UBE2W: variants seen among roughly 807,000 people sequenced by gnomAD.
UBE2W encodes the protein ubiquitin-conjugating enzyme E2 W.
A neutral mutation model predicts 27.2 loss-of-function variants in UBE2W; 18 were observed. That is an observed-to-expected ratio of 0.66 (90% CI 0.46 to 0.98). UBE2W has a LOEUF of 0.98. UBE2W is among the 50% of genes least tolerant of loss of function. The probability of loss-of-function intolerance (pLI) is 0.00; values close to 1 mark genes in which losing one functional copy is unlikely to be tolerated. For missense variants in UBE2W, 90 were observed against 180.2 expected (o/e 0.50, Z 2.87); for synonymous variants, 53 against 57.2 (o/e 0.93, Z 0.33).
chr8:73,867,802 T>C (rs187674368), intron 1 of UBE2W, among the ~76,000 whole-genome samples: 56 of 151,786 alleles, frequency 3.7e-4, no homozygotes, highest in African/African-American at 9.9e-4. Flanking sequence ...AGACACTTAA[T>C]ACATCATTAG....
intron 1 of UBE2W, among the ~76,000 whole-genome samples, chr8:73,864,311 T>C (rs557930690): frequency 6.6e-5 from 10 of 152,266 alleles, no homozygotes; most frequent in East Asian, 3.9e-4. Context: ...CGAGAATCAC[T>C]TGAACCTGGG....
At chr8:73,865,361 C>T (rs1811710683) in intron 1 of UBE2W, among the ~76,000 whole-genome samples, 1 of 150,558 alleles carries the variant, frequency 6.6e-6, no homozygotes, top group South Asian at 2.1e-4. Flanking sequence ...GTCTGTAACC[C>T]CAGCACTTTG....
intron 1 of UBE2W, among the ~76,000 whole-genome samples, chr8:73,857,955 T>C (rs971893645): frequency 6.6e-6 from 1 of 151,786 alleles, no homozygotes; most frequent in African/African-American, 2.4e-5. Flanking sequence ...CTGGGCATGG[T>C]GGCTCACGTC....
intron 1 of UBE2W, among the ~76,000 whole-genome samples, 165 bp from the exon 2 acceptor site, chr8:73,830,637 C>A (rs114634661): frequency 1.3e-5 from 2 of 151,446 alleles, no homozygotes; most frequent in African/African-American, 2.5e-5. Context: ...CAGGCACACA[C>A]CACAATGCCC....
At chr8:73,799,437 G>C (rs1808550342) in intron 5 of UBE2W, among the ~76,000 whole-genome samples, 1 of 152,132 alleles carries the variant, frequency 6.6e-6, no homozygotes, top group African/African-American at 2.4e-5. Flanking sequence ...CTTCTTCCAA[G>C]AACTTTAACA....
rs1808159069 is a variant in UBE2W, at chr8:73,790,825, T to C, written c.*3277A>G. On this transcript the variant is annotated 3_prime_UTR_variant, in exon 6 of 6. Coordinates refer to ENST00000602593, the MANE Select transcript of UBE2W (RefSeq NM_018299.6). ...CTACTCATTTCCATTATTTACCAAT[T>C]CATCTTTGATGCAACTTGGAAACAA... The C allele has an allele frequency of 1.0e-6, 1 of 984,994 alleles. No homozygotes were observed. Among genetic ancestry groups the C allele is most frequent in the African/African-American group, 1.7e-5 (1 of 57,240 alleles). 61.0% of individuals were successfully genotyped at this position (984,994 alleles called of 1,614,324 possible).
At position 73,830,359 on chromosome 8, in the gene UBE2W, C is replaced by T. The variant is rs370878639; in HGVS notation, c.107+22G>A. 2.6e-3 allele frequency: 4,003 copies of T among 1,525,776 alleles called. 16 individuals are homozygous for T. Among genetic ancestry groups the T allele is most frequent in the South Asian group, 6.6e-3 (577 of 87,088 alleles). 94.5% of individuals were successfully genotyped at this position (1,525,776 alleles called of 1,614,324 possible). A position where few individuals can be genotyped will look rare whatever the true frequency, so the allele number is the denominator to read the frequency against. ...CATTATTGGTAATAAAACAAAGAGC[C>T]CTTTTAAAATTAAATACTTACTGTG... On this transcript the variant is annotated intron_variant, in intron 2 of 5. Transcript: ENST00000602593.
intron 1 of UBE2W, among the ~76,000 whole-genome samples, chr8:73,842,809 T>A (rs1275868487): frequency 2.0e-5 from 3 of 152,142 alleles, no homozygotes; most frequent in African/African-American, 7.2e-5. Flanking sequence ...TACAAAAATG[T>A]AGAAGTGTAT....
chr8:73,840,947 G>A (rs1421663029), intron 1 of UBE2W, among the ~76,000 whole-genome samples: 1 of 152,128 alleles, frequency 6.6e-6, no homozygotes, highest in African/African-American at 2.4e-5. Context: ...GACATTTTGA[G>A]AAACTATCCT....
rs71269951 is a variant in UBE2W at position 73,849,512 on chromosome 8, C to CAAAAAAAA, written c.16-19048_16-19041dup. Among the ~76,000 whole-genome samples the CAAAAAAAA allele has an allele frequency of 6.6e-4, 15 of 22,774 alleles. 1 individual carries two copies. Among genetic ancestry groups the CAAAAAAAA allele is most frequent in the African/African-American group, 2.0e-3 (13 of 6,654 alleles). 14.9% of individuals were successfully genotyped at this position (22,774 alleles called of 152,430 possible). A position where few individuals can be genotyped will look rare whatever the true frequency, so the allele number is the denominator to read the frequency against. On this transcript the variant is annotated intron_variant, in intron 1 of 5. Coordinates refer to ENST00000602593, the MANE Select transcript of UBE2W (RefSeq NM_018299.6). ...GGGCAACAAGAGTGAAACTCCATCTCAAAAAAAAAAAAAAAAAAAAAAAAA... is the reference window on the plus strand; with the variant it reads ...GGGCAACAAGAGTGAAACTCCATCTCAAAAAAAAAAAAAAAAAAAAAAAAAAAAAAAAA...
intron 1 of UBE2W, among the ~76,000 whole-genome samples, chr8:73,857,641 T>G (rs1220739187): frequency 1.3e-5 from 2 of 151,298 alleles, no homozygotes. Context: ...TATAGTGAAA[T>G]CCTGTCGCTA....
chr8:73,844,795 C>T (rs911796798), intron 1 of UBE2W, among the ~76,000 whole-genome samples: 7 of 151,746 alleles, frequency 4.6e-5, no homozygotes, highest in Non-Finnish European at 8.8e-5. Flanking sequence ...TCTGCCTGGC[C>T]GCGACCCCGT....
At chr8:73,855,941 T>C (rs1483751452) in intron 1 of UBE2W, among the ~76,000 whole-genome samples, 1 of 152,224 alleles carries the variant, frequency 6.6e-6, no homozygotes, top group Non-Finnish European at 1.5e-5. Flanking sequence ...TTTTTACATA[T>C]TGTTCAGCCT....
intron 4 of UBE2W, 90 bp downstream of exon 4, chr8:73,810,383 TC>T: frequency 8.0e-7 from 1 of 1,249,686 alleles, no homozygotes; most frequent in South Asian, 1.6e-5. Flanking sequence ...CATAAATCCT[TC>T]CTCCAAATAA....
intron 5 of UBE2W, among the ~76,000 whole-genome samples, chr8:73,798,224 G>T (rs1486596104): frequency 3.3e-5 from 5 of 152,146 alleles, no homozygotes; most frequent in African/African-American, 9.7e-5. Context: ...CTGAGCCCGG[G>T]AAGTTGAGGC....
In UBE2W at chr8:73,793,064, A is replaced by T; in HGVS notation, c.*1038T>A. On this transcript the variant is annotated 3_prime_UTR_variant, in exon 6 of 6. Coordinates refer to ENST00000602593, the MANE Select transcript of UBE2W (RefSeq NM_018299.6). ...GAAAATTTACAAGAAAAAACTTAAC[A>T]AAAGTTTCAATAAAAGTATTGTAAC... 1.0e-6 allele frequency: 1 copy of T among 985,598 alleles called. No homozygotes were observed. The highest frequency in any genetic ancestry group is 1.7e-5 in the African/African-American group (1 of 57,374). 61.1% of individuals were successfully genotyped at this position (985,598 alleles called of 1,614,324 possible).
chr8:73,864,091 C>T (rs1225283375), intron 1 of UBE2W, among the ~76,000 whole-genome samples: 1 of 152,110 alleles, frequency 6.6e-6, no homozygotes, highest in Non-Finnish European at 1.5e-5. Context: ...CAAAAGTATA[C>T]TGAAACTTAA....
chr8:73,785,770 G>C (rs1385585282), downstream of UBE2W, among the ~76,000 whole-genome samples: 1 of 151,708 alleles, frequency 6.6e-6, no homozygotes, highest in East Asian at 2.0e-4. Context: ...ATTTTTAGTA[G>C]ATACGGGGTT....
chr8:73,872,686 T>C (rs1469394983), intron 1 of UBE2W, among the ~76,000 whole-genome samples: 2 of 152,186 alleles, frequency 1.3e-5, no homozygotes, highest in Non-Finnish European at 2.9e-5. Flanking sequence ...AAATCATTGG[T>C]GTAATTATGT....
Sources: gnomAD v4.1 joint callset for allele counts (sites outside exome capture counted in the v4.1 genomes callset) on GRCh38, gnomAD v4.1.1 for gene constraint, MANE v1.5 for transcripts, NCBI Gene and HGNC (gene_info 2026-07-23, HGNC 2026-07-21) for gene names.